ATXN1: variants seen among roughly 807,000 people sequenced by gnomAD.
The protein encoded by ATXN1 is ataxin-1.
In ATXN1, 8 loss-of-function variants were observed where a neutral mutation model predicts 56.4. The observed-to-expected ratio is 0.14, with a 90% CI of 0.08 to 0.26. The LOEUF is 0.26. ATXN1 is among the 10% of genes least tolerant of loss of function. The pLI is 1.00. For synonymous variants in ATXN1, 514 were observed against 494.6 expected, an observed-to-expected ratio of 1.04 and a Z score of -0.52; for missense variants, 987 against 1,106.5, an observed-to-expected ratio of 0.89 and a Z score of 1.53.
chr6:16,759,353 G>C (rs1305407093), intron 1 of ATXN1, among the ~76,000 whole-genome samples: 1 of 152,218 alleles, frequency 6.6e-6, no homozygotes, highest in African/African-American at 2.4e-5. Context: ...GGGTGTAATA[G>C]GGTCTTCTAA....
intron 6 of ATXN1, among the ~76,000 whole-genome samples, chr6:16,473,687 G>A (rs1019135862): frequency 1.2e-4 from 18 of 152,302 alleles, no homozygotes; most frequent in Admixed American, 9.8e-4. Context: ...ACAAAGGAGC[G>A]AGGTGAGGAA....
At chr6:16,572,294 T>A (rs1389566428) in intron 4 of ATXN1, among the ~76,000 whole-genome samples, 2 of 152,198 alleles carry the variant, frequency 1.3e-5, no homozygotes, top group African/African-American at 2.4e-5. Context: ...AAAAAAGGTA[T>A]AAGGACTCAA....
intron 4 of ATXN1, among the ~76,000 whole-genome samples, chr6:16,543,957 T>A (rs766336819): frequency 5.9e-5 from 9 of 152,204 alleles, no homozygotes; most frequent in Non-Finnish European, 1.0e-4. Flanking sequence ...AATAATGTTA[T>A]CAAGAATCCT....
chr6:16,540,143 C>T (rs1177350133), intron 4 of ATXN1, among the ~76,000 whole-genome samples: 1 of 152,210 alleles, frequency 6.6e-6, no homozygotes, highest in Admixed American at 6.5e-5. Flanking sequence ...AACAGAATTT[C>T]ACAGTGCATT....
chr6:16,402,018 G>T (rs1463584766), intron 6 of ATXN1, among the ~76,000 whole-genome samples: 1 of 152,176 alleles, frequency 6.6e-6, no homozygotes, highest in African/African-American at 2.4e-5. Flanking sequence ...GAGAGCTTAT[G>T]CAGGGGAATG....
In ATXN1 at chr6:16,500,353, C is replaced by A. The variant is rs550029273; in HGVS notation, c.-298-14244G>T. On this transcript the variant is annotated intron_variant, in intron 5 of 7. Transcript: ENST00000436367. ...ATTGATTTTAATACAATTGTTTCAA[C>A]CCCACAGTCTGTATCATTATAATCT... is the stretch of plus-strand genomic sequence containing the variant. 5.3e-5 allele frequency among the ~76,000 whole-genome samples: 8 copies of A among 152,248 alleles called. No homozygotes were observed. The East Asian group carries it at 1.5e-3, about 29-fold the overall frequency.
chr6:16,584,653 C>T (rs1055459746), intron 4 of ATXN1, among the ~76,000 whole-genome samples: 6 of 148,296 alleles, frequency 4.0e-5, no homozygotes, highest in Non-Finnish European at 8.8e-5. Context: ...CCCCCAAAAC[C>T]CAAAATACAT....
rs564007420 is a variant in ATXN1, at chr6:16,678,464, T to C, written c.-614-20563A>G. Reference sequence around the variant, plus strand: ...AGCCAAAATGTTATTTTCTTACAGTTAGTTTGATATGCTATGCTCACAGAG... The same window carrying C: ...AGCCAAAATGTTATTTTCTTACAGTCAGTTTGATATGCTATGCTCACAGAG... On this transcript the variant is annotated intron_variant, in intron 2 of 7. Transcript: ENST00000436367. Among the ~76,000 whole-genome samples, 289 of 152,348 alleles carry C rather than the reference T, an allele frequency of 1.9e-3. 1 individual carries two copies. The highest frequency in any genetic ancestry group is 6.5e-3 in the African/African-American group (270 of 41,592).
At chr6:16,500,425 T>A (rs1760860603) in intron 5 of ATXN1, among the ~76,000 whole-genome samples, 2 of 152,178 alleles carry the variant, frequency 1.3e-5, no homozygotes, top group South Asian at 4.1e-4. Context: ...GGGCATGTAA[T>A]TTGGTTGCAT....
intron 6 of ATXN1, among the ~76,000 whole-genome samples, chr6:16,448,999 T>C (rs1759689419): frequency 6.6e-6 from 1 of 152,224 alleles, no homozygotes. Flanking sequence ...GTTAATCAAA[T>C]GTAACTTCCA....
chr6:16,403,415 A>G (rs1009136286), intron 6 of ATXN1, among the ~76,000 whole-genome samples: 1 of 152,138 alleles, frequency 6.6e-6, no homozygotes, highest in African/African-American at 2.4e-5. Context: ...CAGTGGTGTA[A>G]TCTCAGCTCA....
At chr6:16,676,952 T>C (rs1403196437) in intron 2 of ATXN1, among the ~76,000 whole-genome samples, 2 of 152,208 alleles carry the variant, frequency 1.3e-5, no homozygotes, top group South Asian at 4.1e-4. Context: ...CTGCTGTATT[T>C]TGTAGCCTTT....
intron 6 of ATXN1, among the ~76,000 whole-genome samples, chr6:16,352,056 A>G (rs1761580502): frequency 6.6e-6 from 1 of 152,210 alleles, no homozygotes; most frequent in Non-Finnish European, 1.5e-5. Context: ...TTTTATCTCC[A>G]CATCTGATGC....
chr6:16,408,770 G>C (rs1030583675), intron 6 of ATXN1, among the ~76,000 whole-genome samples: 1 of 152,164 alleles, frequency 6.6e-6, no homozygotes, highest in Non-Finnish European at 1.5e-5. Flanking sequence ...TTAGAGTTGA[G>C]GTCTCTGTCA....
chr6:16,437,783 C>T (rs879448053), intron 6 of ATXN1, among the ~76,000 whole-genome samples: 2 of 152,286 alleles, frequency 1.3e-5, no homozygotes, highest in Non-Finnish European at 1.5e-5. Context: ...GTTGGCTCAG[C>T]ATAAAGTATA....
chr6:16,736,710 C>A (rs1174521849), intron 2 of ATXN1: 1 of 152,164 alleles, frequency 6.6e-6, no homozygotes, highest in East Asian at 1.9e-4. Context: ...AGGTATAAAT[C>A]CCCTTTCCAG....
chr6:16,628,382 A>G (rs909632590), intron 3 of ATXN1, among the ~76,000 whole-genome samples: 2 of 152,188 alleles, frequency 1.3e-5, no homozygotes, highest in African/African-American at 4.8e-5. Context: ...AGTTACTTTT[A>G]CTGGCAATAA....
At chr6:16,617,391 GAATA>G (rs551674938) in intron 3 of ATXN1, among the ~76,000 whole-genome samples, 247 of 148,292 alleles carry the variant, frequency 1.7e-3, no homozygotes, top group African/African-American at 5.3e-3. Flanking sequence ...ACACATGAAA[GAATA>G]AATAGACTAA....
chr6:16,428,578 C>T (rs1208405579), intron 6 of ATXN1, among the ~76,000 whole-genome samples: 1 of 152,120 alleles, frequency 6.6e-6, no homozygotes, highest in Non-Finnish European at 1.5e-5. Context: ...ATTATCACAA[C>T]AACTTTTTGA....
Sources: gnomAD v4.1 joint callset for allele counts (sites outside exome capture counted in the v4.1 genomes callset) on GRCh38, gnomAD v4.1.1 for gene constraint, MANE v1.5 for transcripts, NCBI Gene and HGNC (gene_info 2026-07-23, HGNC 2026-07-21) for gene names.